ERBB4: variants seen among roughly 807,000 people sequenced by gnomAD.
ERBB4 encodes the protein receptor tyrosine-protein kinase erbB-4.
A neutral mutation model predicts 158.0 loss-of-function variants in ERBB4; 42 were observed. The ratio of observed to expected loss-of-function variants is 0.27; its 90% CI spans 0.21 to 0.34. The LOEUF (loss-of-function observed/expected upper bound fraction) is 0.34. Among genes scored for constraint, ERBB4 ranks in the 10% least tolerant of loss-of-function variants. The probability of loss-of-function intolerance (pLI) is 1.00; values close to 1 mark genes in which losing one functional copy is unlikely to be tolerated. For missense variants in ERBB4, 1,333 were observed against 1,624.1 expected, an observed-to-expected ratio of 0.82 and a Z score of 3.08; for synonymous variants, 583 against 558.7, an observed-to-expected ratio of 1.04 and a Z score of -0.61.
At chr2:212,357,693 T>C (rs953424856) in intron 1 of ERBB4, among the ~76,000 whole-genome samples, 2 of 151,690 alleles carry the variant, frequency 1.3e-5, no homozygotes, top group Non-Finnish European at 2.9e-5. Flanking sequence ...CACTGTAGAG[T>C]GCAGAAACGT....
intron 2 of ERBB4, among the ~76,000 whole-genome samples, chr2:212,033,416 T>A (rs2076946301): frequency 6.6e-6 from 1 of 151,854 alleles, no homozygotes; most frequent in Non-Finnish European, 1.5e-5. Context: ...GTATTAAAAC[T>A]GATGATAAAC....
chr2:211,546,503 A>T (rs2066944618), intron 20 of ERBB4, among the ~76,000 whole-genome samples: 1 of 152,094 alleles, frequency 6.6e-6, no homozygotes. Flanking sequence ...TATTAACCTA[A>T]GTTTCCTCCC....
intron 20 of ERBB4, among the ~76,000 whole-genome samples, chr2:211,537,746 G>C (rs2066694765): frequency 6.6e-6 from 1 of 151,834 alleles, no homozygotes; most frequent in Admixed American, 6.6e-5. Context: ...ACAAAATACA[G>C]GCTGAATTGA....
chr2:211,762,192 A>C (rs7588792), intron 4 of ERBB4, among the ~76,000 whole-genome samples: 125,511 of 152,138 alleles, frequency 0.82, 52,031 homozygotes, highest in African/African-American at 0.89. Flanking sequence ...GCAGATACAT[A>C]AATGGAGACA....
intron 20 of ERBB4, among the ~76,000 whole-genome samples, chr2:211,481,946 C>T (rs2065093177): frequency 6.6e-6 from 1 of 152,124 alleles, no homozygotes; most frequent in Non-Finnish European, 1.5e-5. Context: ...AAGAATGTGA[C>T]CCCTGAGAAA....
rs1559317180 is a variant in ERBB4 at position 211,580,821 on chromosome 2, A to AGAT, written c.2302-18734_2302-18733insATC. ...ATATATATATATATATAATATATAT[A>AGAT]TATTATATATATAGATTATATATTA... On this transcript the variant is annotated intron_variant, in intron 19 of 27. Coordinates refer to ENST00000342788, the MANE Select transcript of ERBB4 (RefSeq NM_005235.3). Among the ~76,000 whole-genome samples the AGAT allele has an allele frequency of 4.2e-3, 74 of 17,580 alleles. 2 individuals are homozygous for AGAT. The highest frequency in any genetic ancestry group is 5.6e-3 in the African/African-American group (68 of 12,048). 11.5% of individuals were successfully genotyped at this position (17,580 alleles called of 152,430 possible). A position where few individuals can be genotyped will look rare whatever the true frequency, so the allele number is the denominator to read the frequency against.
intron 1 of ERBB4, among the ~76,000 whole-genome samples, chr2:212,492,791 A>T (rs1690351465): frequency 6.6e-6 from 1 of 151,516 alleles, no homozygotes; most frequent in Non-Finnish European, 1.5e-5. Flanking sequence ...TTACTAAAAG[A>T]GAATATGTTT....
chr2:212,234,233 T>C (rs1014577533), intron 1 of ERBB4, among the ~76,000 whole-genome samples: 2 of 152,076 alleles, frequency 1.3e-5, no homozygotes, highest in African/African-American at 4.8e-5. Flanking sequence ...ACATGCAGTG[T>C]TGGGTTTTCT....
chr2:212,493,298 CTT>C (rs1491457786), intron 1 of ERBB4, among the ~76,000 whole-genome samples: 1 of 151,228 alleles, frequency 6.6e-6, no homozygotes, highest in Non-Finnish European at 1.5e-5. Flanking sequence ...TAAAAATCAT[CTT>C]ATATATATTC....
At chr2:212,359,316 C>T (rs1202544706) in intron 1 of ERBB4, among the ~76,000 whole-genome samples, 1 of 151,372 alleles carries the variant, frequency 6.6e-6, no homozygotes, top group Non-Finnish European at 1.5e-5. Context: ...ATCTATATCG[C>T]TTTGATAGAA....
At chr2:212,224,716 A>G (rs1435074816) in intron 1 of ERBB4, among the ~76,000 whole-genome samples, 1 of 152,006 alleles carries the variant, frequency 6.6e-6, no homozygotes, top group Non-Finnish European at 1.5e-5. Flanking sequence ...AAAGGCATAT[A>G]ACAACGAAAA....
chr2:212,065,910 T>C (rs1317488295), intron 2 of ERBB4, among the ~76,000 whole-genome samples: 1 of 152,010 alleles, frequency 6.6e-6, no homozygotes, highest in Non-Finnish European at 1.5e-5. Flanking sequence ...CTGTAACAAT[T>C]GTAGTTCTGA....
At chr2:212,163,317 A>T (rs1521653) in intron 1 of ERBB4, among the ~76,000 whole-genome samples, 91,024 of 151,834 alleles carry the variant, frequency 0.6, 28,762 homozygotes, top group Non-Finnish European at 0.7. Context: ...GGATATGACA[A>T]TTGAAAAAAC....
intron 10 of ERBB4, 98 bp from the exon 11 acceptor site, chr2:211,704,292 G>A (rs1178218215): frequency 1.2e-6 from 1 of 825,332 alleles, no homozygotes; most frequent in East Asian, 2.4e-5. Flanking sequence ...TGAAAGTTGG[G>A]AAGTGAGAAA....
chr2:211,747,254 G>A (rs2075004230), intron 5 of ERBB4, among the ~76,000 whole-genome samples: 1 of 152,086 alleles, frequency 6.6e-6, no homozygotes, highest in Non-Finnish European at 1.5e-5. Context: ...ACTGACTAAT[G>A]CTTTGTTTGG....
chr2:212,403,884 A>G (rs2091275287), intron 1 of ERBB4, among the ~76,000 whole-genome samples: 2 of 152,186 alleles, frequency 1.3e-5, no homozygotes, highest in South Asian at 4.2e-4. Flanking sequence ...AAAATAAACC[A>G]AATTTTAACT....
At chr2:211,472,935 T>G (rs1055606248) in intron 20 of ERBB4, among the ~76,000 whole-genome samples, 1 of 151,176 alleles carries the variant, frequency 6.6e-6, no homozygotes, top group African/African-American at 2.4e-5. Context: ...TTAATATTTA[T>G]TATTATTATT....
chr2:212,255,538 T>C (rs2106065560), intron 1 of ERBB4, among the ~76,000 whole-genome samples: 1 of 152,314 alleles, frequency 6.6e-6, no homozygotes, highest in Admixed American at 6.5e-5. Context: ...AGGTTTAGTG[T>C]TCCTTAACCA....
chr2:211,691,714 G>T (rs1294310681), intron 12 of ERBB4, among the ~76,000 whole-genome samples: 1 of 151,958 alleles, frequency 6.6e-6, no homozygotes, highest in Admixed American at 6.6e-5. Context: ...GCTGAAATAA[G>T]AAGGGTAAGT....
Sources: allele counts gnomAD v4.1 joint callset (sites outside exome capture counted in the v4.1 genomes callset), GRCh38; gene constraint gnomAD v4.1.1; transcripts MANE v1.5; gene names NCBI Gene and HGNC (gene_info 2026-07-23, HGNC 2026-07-21).